BBS2: variants seen among roughly 807,000 people sequenced by gnomAD.
The protein encoded by BBS2 is Bardet-Biedl syndrome 2, also known as BBSome complex member BBS2.
In BBS2, 62 loss-of-function variants were observed where a neutral mutation model predicts 83.0. The ratio of observed to expected loss-of-function variants is 0.75; its 90% CI spans 0.61 to 0.92. The LOEUF is 0.92. BBS2 is among the 40% of genes least tolerant of loss of function. BBS2 has a pLI of 0.00. For synonymous variants in BBS2, 303 were observed against 326.1 expected (o/e 0.93, Z 0.76); for missense variants, 784 against 901.0 (o/e 0.87, Z 1.66).
At position 56,514,571 on chromosome 16, in the gene BBS2, C is replaced by T. The variant is rs895169510; in HGVS notation, c.227G>A (p.Ser76Asn). 6.2e-7 allele frequency: 1 copy of T among 1,614,174 alleles called. No individual in the cohort carries two copies. The highest frequency in any genetic ancestry group is 2.2e-5 in the East Asian group (1 of 44,878). The change falls in exon 2 of 17, where the codon AGC becomes AAC. Residue 76 changes from serine to asparagine, a missense_variant. Physicochemically the swap from Ser to Asn is conservative, Grantham distance 46. Transcript: ENST00000245157. ...VSLLSINQAV[S>N]CLTAGVLNPE... ...GTTCAATACGCCTGCAGTCAGACAG[C>T]TGACTGCCTGGTTAATGCTGAGAAG... is the stretch of plus-strand genomic sequence containing the variant.
chr16:56,477,183 A>G (rs1954435326), intron 17 of BBS2: 1 of 152,160 alleles, frequency 6.6e-6, no homozygotes, highest in Admixed American at 6.5e-5. Flanking sequence ...TGTTCTTCTC[A>G]TAATTTCTGG....
At chr16:56,517,173 A>T (rs532540804) in intron 1 of BBS2, among the ~76,000 whole-genome samples, 3 of 152,164 alleles carry the variant, frequency 2.0e-5, no homozygotes, top group African/African-American at 7.2e-5. Context: ...TCTGTTCTCC[A>T]CATACCAGCC....
chr16:56,482,506 A>C (rs1454514563), downstream of BBS2, among the ~76,000 whole-genome samples: 1 of 152,164 alleles, frequency 6.6e-6, no homozygotes, highest in African/African-American at 2.4e-5. Flanking sequence ...AAAATAATAC[A>C]GTGTATGTGG....
At chr16:56,498,919 C>T (rs1408571795) in intron 12 of BBS2, 3 of 381,858 alleles carry the variant, frequency 7.9e-6, no homozygotes, top group Non-Finnish European at 1.5e-5. Flanking sequence ...TGTTACACAA[C>T]AGCTCTTCTG....
chr16:56,480,413 T>G (rs1036318846), downstream of BBS2, among the ~76,000 whole-genome samples: 1 of 141,912 alleles, frequency 7.0e-6, no homozygotes, highest in Non-Finnish European at 1.5e-5. Flanking sequence ...CCAGTATTTT[T>G]TATTTTTTAT....
At chr16:56,483,075 C>T (rs1963688345), downstream of BBS2, among the ~76,000 whole-genome samples, 1 of 152,164 alleles carries the variant, frequency 6.6e-6, no homozygotes, top group African/African-American at 2.4e-5. Context: ...CACTTATACA[C>T]ACCTAGATGG....
At position 56,501,008 on chromosome 16, in the gene BBS2, C is replaced by G. The variant is rs1309839819; in HGVS notation, c.1243G>C (p.Val415Leu). The change falls in exon 11 of 17, where the codon GTA becomes CTA. Residue 415 changes from valine to leucine, a missense_variant. Val to Leu is a conservative substitution (Grantham distance 32, BLOSUM62 1). Coordinates refer to ENST00000245157, the MANE Select transcript of BBS2 (RefSeq NM_031885.5). ...STSNDTIIRA[V>L]LIFAEGIFTG... Reference sequence around the variant, plus strand: ...AAAATTCCTTCTGCAAAAATCAATACTGCTCGGATGATGGTGTCTGCAGGG... The same window carrying G: ...AAAATTCCTTCTGCAAAAATCAATAGTGCTCGGATGATGGTGTCTGCAGGG... 6.2e-7 allele frequency: 1 copy of G among 1,614,172 alleles called. No homozygotes were observed. The highest frequency in any genetic ancestry group is 1.1e-5 in the South Asian group (1 of 91,086).
intron 15 of BBS2, among the ~76,000 whole-genome samples, chr16:56,490,712 G>C (rs903600282): frequency 3.9e-5 from 6 of 152,074 alleles, no homozygotes; most frequent in Non-Finnish European, 7.4e-5. Flanking sequence ...CTTATAATTT[G>C]ACTATATACA....
At chr16:56,505,889 C>T (rs1339887214) in intron 7 of BBS2, 61 bp downstream of exon 7, 1 of 1,291,602 alleles carries the variant, frequency 7.7e-7, no homozygotes, top group Non-Finnish European at 1.1e-6. Flanking sequence ...AGTCCTACAG[C>T]CAATACACCT....
chr16:56,519,223 C>T (rs1964842064), intron 1 of BBS2, among the ~76,000 whole-genome samples: 2 of 149,838 alleles, frequency 1.3e-5, no homozygotes, highest in East Asian at 2.0e-4. Context: ...CTCAGATACT[C>T]GGGAGGCTGA....
rs1963266483 is a variant in BBS2 at position 56,472,928 on chromosome 16, T to C, written c.*1-2233A>G. Among the ~76,000 whole-genome samples the C allele has an allele frequency of 2.6e-5, 4 of 151,862 alleles. 1 individual carries two copies. The South Asian group carries it at 8.4e-4, about 32-fold the overall frequency. On this transcript the variant is annotated intron_variant, in intron 17 of 17. Coordinates refer to the BBS2 transcript ENST00000682047. ...CAAAGCAGTTTTGCTTTTTTTGTTTTGGTTTGGTTTGGTTTGGTTTGGAGA... is the reference window on the plus strand; with the variant it reads ...CAAAGCAGTTTTGCTTTTTTTGTTTCGGTTTGGTTTGGTTTGGTTTGGAGA...
chr16:56,470,641 A>G (rs548980919), exon 18 of BBS2: 1 of 1,614,044 alleles, frequency 6.2e-7, no homozygotes, highest in Non-Finnish European at 8.5e-7. Context: ...GATGAATGAT[A>G]AAAAAGAGGC....
intron 1 of BBS2, among the ~76,000 whole-genome samples, chr16:56,517,724 C>A (rs1257985340): frequency 6.6e-6 from 1 of 152,116 alleles, no homozygotes; most frequent in Non-Finnish European, 1.5e-5. Context: ...AAATTAGGGG[C>A]TGAGTTAATA....
At position 56,470,697 on chromosome 16, in the gene BBS2, T is replaced by A; in HGVS notation, c.*1-2A>T. On this transcript the variant is annotated splice_acceptor_variant, in intron 17 of 17. Transcript: ENST00000682047. LOFTEE classifies it low-confidence loss of function (3UTR_SPLICE). ...AAGAAGGGACTAGCCATAGTCCTCC[T>A]GAGCCAGAGAATAATCAGATGGCCA... 6.2e-7 allele frequency: 1 copy of A among 1,614,162 alleles called. No individual in the cohort carries two copies. Among genetic ancestry groups the A allele is most frequent in the Non-Finnish European group, 8.5e-7 (1 of 1,180,012 alleles).
intron 1 of BBS2, among the ~76,000 whole-genome samples, chr16:56,516,551 T>C (rs1401586113): frequency 6.6e-6 from 1 of 151,980 alleles, no homozygotes. Context: ...GGTGCGCCAC[T>C]ACGCCCAGCT....
At chr16:56,504,983 A>C (rs1283538525) in intron 7 of BBS2, among the ~76,000 whole-genome samples, 1 of 152,196 alleles carries the variant, frequency 6.6e-6, no homozygotes, top group African/African-American at 2.4e-5. Flanking sequence ...CCACCCTGTA[A>C]GGCTCCTATG....
chr16:56,473,139 C>T (rs1963282352), intron 17 of BBS2, among the ~76,000 whole-genome samples: 1 of 152,142 alleles, frequency 6.6e-6, no homozygotes, highest in African/African-American at 2.4e-5. Context: ...ACCGTGTTAG[C>T]CAGGATGGTC....
At chr16:56,501,950 G>T in intron 9 of BBS2, 1 of 376,708 alleles carries the variant, frequency 2.7e-6, no homozygotes, top group South Asian at 2.4e-5. Context: ...CTTGCCTTTT[G>T]TCACTTGGTA....
chr16:56,492,975 A>G (rs1195407455), intron 15 of BBS2, among the ~76,000 whole-genome samples: 7 of 152,330 alleles, frequency 4.6e-5, no homozygotes, highest in Non-Finnish European at 1.5e-5. Flanking sequence ...CAATCCAAAT[A>G]GAGGAAACTG....
Sources: gnomAD v4.1 joint callset for allele counts (sites outside exome capture counted in the v4.1 genomes callset) on GRCh38, gnomAD v4.1.1 for gene constraint, MANE v1.5 for transcripts, NCBI Gene and HGNC (gene_info 2026-07-23, HGNC 2026-07-21) for gene names.